The following MYOM2 variants were observed in gnomAD, a reference collection of about 807,000 sequenced individuals.
The protein encoded by MYOM2 is myomesin 2, also known as myomesin-2.
Under a neutral mutation model 187.6 loss-of-function variants are expected in MYOM2, and 254 were observed. That is an observed-to-expected ratio of 1.35 (90% CI 1.22 to 1.50). The LOEUF (loss-of-function observed/expected upper bound fraction) is 1.50. Ranked by LOEUF, MYOM2 falls within the 40% of genes most tolerant of loss-of-function variation. The pLI, the probability that MYOM2 is intolerant of heterozygous loss-of-function variation, is 0.00. For missense variants in MYOM2, 2,796 were observed against 1,924.0 expected (o/e 1.45, Z -8.48); for synonymous variants, 981 against 753.8 (o/e 1.30, Z -4.94).
intron 32 of MYOM2, among the ~76,000 whole-genome samples, chr8:2,130,787 C>T (rs1490439537): frequency 6.6e-6 from 1 of 152,124 alleles, no homozygotes; most frequent in Non-Finnish European, 1.5e-5. Flanking sequence ...ACTGTGATAA[C>T]AGGAGCTTAC....
chr8:2,079,016 A>G (rs1819531160), intron 12 of MYOM2, 83 bp downstream of exon 12: 2 of 1,361,672 alleles, frequency 1.5e-6, no homozygotes, highest in African/African-American at 1.4e-5. Flanking sequence ...TTTCCCTCCC[A>G]ACTCGATGTG....
In MYOM2 at chr8:2,099,000, A is replaced by G; in HGVS notation, c.2440+17A>G. 1 of 1,591,094 alleles carries G rather than the reference A, an allele frequency of 6.3e-7. No individual in the cohort carries two copies. Among genetic ancestry groups the G allele is most frequent in the Non-Finnish European group, 8.6e-7 (1 of 1,164,332 alleles). On this transcript the variant is annotated intron_variant, in intron 19 of 36. Transcript: ENST00000262113. ...CGGAGCCCGGTGAGTCGCTGCCCCC[A>G]GGACACCCGCGTTCCAGCGCACAGG...
chr8:2,088,935 C>G (rs1174791557), intron 14 of MYOM2, among the ~76,000 whole-genome samples: 2 of 152,340 alleles, frequency 1.3e-5, no homozygotes, highest in South Asian at 4.1e-4. Context: ...AGGAAGCTCT[C>G]CTATAGACAC....
At chr8:2,102,251 A>G (rs1796734651) in intron 20 of MYOM2, 1 of 157,338 alleles carries the variant, frequency 6.4e-6, no homozygotes, top group African/African-American at 2.4e-5. Context: ...GGTTTTAATA[A>G]GAATAACCCA....
chr8:2,069,227 G>A (rs758498382), intron 6 of MYOM2, 51 bp from the exon 7 acceptor site: 1 of 1,557,600 alleles, frequency 6.4e-7, no homozygotes, highest in Non-Finnish European at 8.8e-7. Context: ...TCGGGTCACT[G>A]ACTTTTACAC....
chr8:2,051,772 G>A (rs1818497886), intron 2 of MYOM2, among the ~76,000 whole-genome samples: 1 of 152,216 alleles, frequency 6.6e-6, no homozygotes, highest in African/African-American at 2.4e-5. Context: ...GGCATGTGCG[G>A]GGTATGGGTG....
chr8:2,140,790 A>G lies in MYOM2; in HGVS notation c.3868A>G (p.Ile1290Val), dbSNP rs1219119619. 2 of 1,614,146 alleles carry G rather than the reference A, an allele frequency of 1.2e-6. No homozygotes were observed. The highest frequency in any genetic ancestry group is 1.7e-6 in the Non-Finnish European group (2 of 1,179,986). ...GAGTGAAGAGATGGCTTGGCTGCAG[A>G]TATGTGAGCCGACTGAGAAGGATAA... ...GGSEEMAWLQ[I>V]CEPTEKDKGK... The change falls in exon 33 of 37, where the codon ATA (isoleucine) becomes GTA (valine). Residue 1290 changes from isoleucine to valine, a missense_variant. Transcript: ENST00000262113.
rs573534433 is a variant in MYOM2, at chr8:2,103,246, A to G, written c.2734+465A>G. ...TTTATGTGTATATGTGTATATGGAT[A>G]AATGAGTGAGAGAGTGTGCATGTAT... is the stretch of plus-strand genomic sequence containing the variant. On this transcript the variant is annotated intron_variant, in intron 21 of 36. Transcript: ENST00000262113. Among the ~76,000 whole-genome samples the G allele has an allele frequency of 3.0e-3, 442 of 147,036 alleles. 1 individual carries two copies. The highest frequency in any genetic ancestry group is 0.01 in the African/African-American group (427 of 41,010).
intron 4 of MYOM2, 43 bp downstream of exon 4, chr8:2,057,529 C>G (rs116045122): frequency 6.2e-7 from 1 of 1,613,390 alleles, no homozygotes; most frequent in Non-Finnish European, 8.5e-7. Flanking sequence ...GAAGCGTGGA[C>G]TAGATCTTAG....
chr8:2,135,844 T>C (rs1798050426), intron 32 of MYOM2, among the ~76,000 whole-genome samples: 1 of 152,154 alleles, frequency 6.6e-6, no homozygotes, highest in African/African-American at 2.4e-5. Context: ...TCAAAGAAAT[T>C]AACAGCTATT....
In MYOM2 at chr8:2,059,150, T is replaced by A; in HGVS notation, c.561-3T>A. ...AAACTAAAAACATGCCTCCCTCATT[T>A]AGGTACAAAGATGGCAGTCTGATTT... On this transcript the variant is annotated splice_polypyrimidine_tract_variant and splice_region_variant and intron_variant, in intron 5 of 36. Transcript: ENST00000262113. 6.2e-7 allele frequency: 1 copy of A among 1,613,824 alleles called. No homozygotes were observed. Among genetic ancestry groups the A allele is most frequent in the African/African-American group, 1.3e-5 (1 of 75,042 alleles).
intron 10 of MYOM2, among the ~76,000 whole-genome samples, chr8:2,075,793 C>G (rs1473030722): frequency 6.6e-6 from 1 of 152,112 alleles, no homozygotes; most frequent in Non-Finnish European, 1.5e-5. Flanking sequence ...GTTAGAAATG[C>G]CAGATTATTG....
chr8:2,055,856 C>T (rs1368258210), intron 3 of MYOM2, among the ~76,000 whole-genome samples: 1 of 152,308 alleles, frequency 6.6e-6, no homozygotes, highest in East Asian at 1.9e-4. Flanking sequence ...TCCCCTCCAG[C>T]TCCGATACCG....
At chr8:2,094,296 A>G (rs1189766558) in intron 17 of MYOM2, among the ~76,000 whole-genome samples, 1 of 152,294 alleles carries the variant, frequency 6.6e-6, no homozygotes, top group African/African-American at 2.4e-5. Context: ...ATGATAATAC[A>G]CTAATAAAAC....
chr8:2,120,680 T>TATTTCCTGTATATATATA, intron 28 of MYOM2, among the ~76,000 whole-genome samples: 2 of 48,294 alleles, frequency 4.1e-5, no homozygotes, highest in African/African-American at 1.3e-4. Flanking sequence ...ATATATTATA[T>TATTTCCTGTATATATATA]TATATATAAA....
intron 6 of MYOM2, among the ~76,000 whole-genome samples, chr8:2,065,467 G>A (rs1174686787): frequency 6.6e-6 from 1 of 152,124 alleles, no homozygotes; most frequent in Non-Finnish European, 1.5e-5. Context: ...CTACTCAGGA[G>A]GCTGAGGCAG....
intron 31 of MYOM2, among the ~76,000 whole-genome samples, chr8:2,127,174 G>C (rs1003729809): frequency 6.6e-6 from 1 of 152,042 alleles, no homozygotes; most frequent in Non-Finnish European, 1.5e-5. Flanking sequence ...TCTGCAGTGT[G>C]TTGACTTCAC....
At chr8:2,078,265 T>G (rs1036504236) in intron 11 of MYOM2, among the ~76,000 whole-genome samples, 12 of 152,224 alleles carry the variant, frequency 7.9e-5, no homozygotes, top group African/African-American at 2.9e-4. Flanking sequence ...CCCAGGGACC[T>G]GGGCCCTTGG....
intron 10 of MYOM2, 40 bp from the exon 11 acceptor site, chr8:2,076,101 T>G: frequency 3.8e-6 from 6 of 1,588,220 alleles, no homozygotes; most frequent in Non-Finnish European, 5.1e-6. Context: ...ACCCCAGCCT[T>G]TAAATGACAG....
Sources: allele counts gnomAD v4.1 joint callset (sites outside exome capture counted in the v4.1 genomes callset), GRCh38; gene constraint gnomAD v4.1.1; transcripts MANE v1.5; gene names NCBI Gene and HGNC (gene_info 2026-07-23, HGNC 2026-07-21).